The following PRICKLE1 variants were observed in gnomAD, a reference collection of about 807,000 sequenced individuals.
The protein encoded by PRICKLE1 is prickle planar cell polarity protein 1.
PRICKLE1 carries 14 observed loss-of-function variants against 70.2 expected under a neutral mutation model. That is an observed-to-expected ratio of 0.20 (90% CI 0.13 to 0.31). PRICKLE1 has a LOEUF of 0.31. Among genes scored for constraint, PRICKLE1 ranks in the 10% least tolerant of loss-of-function variants. PRICKLE1 has a pLI of 1.00. For missense variants in PRICKLE1, 821 were observed against 1,026.2 expected (o/e 0.80, Z 2.73); for synonymous variants, 357 against 379.9 (o/e 0.94, Z 0.70).
intron 1 of PRICKLE1, among the ~76,000 whole-genome samples, chr12:42,502,329 A>C (rs532452131): frequency 2.0e-5 from 3 of 146,384 alleles, no homozygotes; most frequent in Non-Finnish European, 4.5e-5. Flanking sequence ...TTTTTTTGAG[A>C]CAGGGTCTCA....
chr12:42,530,961 G>A (rs1309605922), intron 1 of PRICKLE1, among the ~76,000 whole-genome samples: 4 of 150,878 alleles, frequency 2.7e-5, no homozygotes, highest in Non-Finnish European at 4.4e-5. Flanking sequence ...ATAAGCCACC[G>A]TGCCCAGCCA....
rs1940373437 is a variant in PRICKLE1 at position 42,554,127 on chromosome 12, C to T, written c.-49+35338G>A. Among the ~76,000 whole-genome samples the T allele has an allele frequency of 2.0e-5, 3 of 152,072 alleles. No individual in the cohort carries two copies. The South Asian group carries it at 6.2e-4, about 32-fold the overall frequency. On this transcript the variant is annotated intron_variant, in intron 1 of 7. Coordinates refer to ENST00000345127, the MANE Select transcript of PRICKLE1 (RefSeq NM_153026.3). ...CTCAAAACAAAACGAAACAAACAAA[C>T]CAACAACAACAAAAAAACAAAACAG...
chr12:42,582,288 T>C (rs1371477090), intron 1 of PRICKLE1, among the ~76,000 whole-genome samples: 2 of 152,228 alleles, frequency 1.3e-5, no homozygotes, highest in African/African-American at 2.4e-5. Context: ...GCAAGTTATT[T>C]ATCACTTCAG....
chr12:42,485,119 A>G (rs1190804594), intron 1 of PRICKLE1, among the ~76,000 whole-genome samples: 2 of 152,150 alleles, frequency 1.3e-5, no homozygotes, highest in Non-Finnish European at 2.9e-5. Flanking sequence ...CACGTGAACA[A>G]TAGCTCATTG....
At chr12:42,537,805 C>T (rs898919907) in intron 1 of PRICKLE1, among the ~76,000 whole-genome samples, 1 of 152,162 alleles carries the variant, frequency 6.6e-6, no homozygotes, top group African/African-American at 2.4e-5. Context: ...AGATACACTC[C>T]CAAAATGGCA....
intron 7 of PRICKLE1, among the ~76,000 whole-genome samples, chr12:42,463,321 A>G (rs1415414568): frequency 6.6e-6 from 1 of 152,058 alleles, no homozygotes; most frequent in Non-Finnish European, 1.5e-5. Flanking sequence ...AAAAACTAGG[A>G]AAAAAAAGAA....
chr12:42,533,561 T>C (rs956292530), intron 1 of PRICKLE1, among the ~76,000 whole-genome samples: 6 of 152,146 alleles, frequency 3.9e-5, no homozygotes, highest in Non-Finnish European at 7.3e-5. Flanking sequence ...AAATAACCAT[T>C]TGTTAAGTCT....
intron 1 of PRICKLE1, among the ~76,000 whole-genome samples, chr12:42,572,125 A>G (rs1396518683): frequency 1.3e-5 from 2 of 152,178 alleles, no homozygotes; most frequent in Non-Finnish European, 2.9e-5. Flanking sequence ...ATTTAAGCAC[A>G]GGAACATTGT....
chr12:42,541,426 G>C (rs1424884249), intron 1 of PRICKLE1, among the ~76,000 whole-genome samples: 2 of 150,850 alleles, frequency 1.3e-5, no homozygotes, highest in Non-Finnish European at 2.9e-5. Flanking sequence ...CTGCAGCCTC[G>C]ACCTCCTGGG....
intron 1 of PRICKLE1, chr12:42,485,616 A>G (rs1022118056): frequency 3.5e-4 from 54 of 152,236 alleles, no homozygotes; most frequent in Non-Finnish European, 1.5e-4. Context: ...TGCGCAATCA[A>G]TTATTGATTT....
chr12:42,548,431 C>T (rs1481871952), intron 1 of PRICKLE1, among the ~76,000 whole-genome samples: 1 of 152,054 alleles, frequency 6.6e-6, no homozygotes. Context: ...AAGCATAAGT[C>T]AATATAGAAG....
Position 42,460,041 on chromosome 12 carries a change from T to C in PRICKLE1, c.2264A>G (p.Tyr755Cys). The change falls in exon 8 of 8, where the codon TAC becomes TGC. Residue 755 changes from tyrosine to cysteine, a missense_variant. Tyr to Cys is a radical substitution (Grantham distance 194). Transcript: ENST00000345127. ...NPGMNRFLGL[Y>C]GEDDDSWCSS... is the part of the protein sequence containing the mutation. ...ACACCAGGAATCATCATCCTCGCCG[T>C]AGAGTCCCAGAAACCGATTCATTCC... 3 of 1,614,040 alleles carry C rather than the reference T, an allele frequency of 1.9e-6. No individual in the cohort carries two copies. In the South Asian group the frequency reaches 3.3e-5, roughly 18 times the overall value.
chr12:42,574,035 T>C (rs1940765012), intron 1 of PRICKLE1, among the ~76,000 whole-genome samples: 1 of 152,168 alleles, frequency 6.6e-6, no homozygotes, highest in Non-Finnish European at 1.5e-5. Flanking sequence ...GAACCCCACC[T>C]GGCTGGAAGG....
In PRICKLE1 at chr12:42,464,379, T is replaced by G. The variant is rs1937991199; in HGVS notation, c.1639+16A>C. 1.9e-6 allele frequency: 3 copies of G among 1,613,958 alleles called. No homozygotes were observed. Among genetic ancestry groups the G allele is most frequent in the Non-Finnish European group, 2.5e-6 (3 of 1,180,012 alleles). On this transcript the variant is annotated intron_variant, in intron 7 of 7. Transcript: ENST00000345127. This position sits in a 1 kb window ranked among gnomAD's most constrained non-coding sequence, Gnocchi z 4.2. ...GCTCCTTTTTTCAAATACCCCATAA[T>G]CCCTAGATTACGTACCTGTGATATT...
At chr12:42,530,893 A>C (rs183627058) in intron 1 of PRICKLE1, among the ~76,000 whole-genome samples, 1 of 150,698 alleles carries the variant, frequency 6.6e-6, no homozygotes, top group Non-Finnish European at 1.5e-5. Flanking sequence ...CTGGTCTCGA[A>C]CTTCTGGCAT....
At chr12:42,580,653 T>C (rs1279176143) in intron 1 of PRICKLE1, among the ~76,000 whole-genome samples, 2 of 152,176 alleles carry the variant, frequency 1.3e-5, no homozygotes, top group African/African-American at 4.8e-5. Flanking sequence ...GTTTTTGGAC[T>C]CCCTGTATTT....
intron 1 of PRICKLE1, among the ~76,000 whole-genome samples, chr12:42,568,248 C>A (rs1336599339): frequency 6.6e-6 from 1 of 152,222 alleles, no homozygotes; most frequent in Non-Finnish European, 1.5e-5. Flanking sequence ...GATCTCAGCT[C>A]ACTGCAGCCT....
intron 1 of PRICKLE1, among the ~76,000 whole-genome samples, chr12:42,514,401 T>G (rs1939567986): frequency 1.3e-5 from 2 of 150,460 alleles, no homozygotes; most frequent in African/African-American, 4.9e-5. Context: ...AGAAGAAAGA[T>G]CATCATCTTT....
At chr12:42,530,239 C>T (rs775320651) in intron 1 of PRICKLE1, among the ~76,000 whole-genome samples, 6 of 152,062 alleles carry the variant, frequency 3.9e-5, no homozygotes, top group Admixed American at 6.6e-5. Flanking sequence ...CCACTGCGCC[C>T]GGCCTATAAG....
Sources: gnomAD v4.1 joint callset for allele counts (sites outside exome capture counted in the v4.1 genomes callset) on GRCh38, gnomAD v4.1.1 for gene constraint, Gnocchi (gnomAD v3.1) non-coding constraint, MANE v1.5 for transcripts, NCBI Gene and HGNC (gene_info 2026-07-23, HGNC 2026-07-21) for gene names.